The following CAST variants were observed in gnomAD, a reference collection of about 807,000 sequenced individuals.
CAST encodes calpastatin, also known as MIR583 host.
CAST carries 76 observed loss-of-function variants against 119.6 expected under a neutral mutation model. The ratio of observed to expected loss-of-function variants is 0.64; its 90% CI spans 0.53 to 0.77. The LOEUF (loss-of-function observed/expected upper bound fraction) is 0.77, where lower values mean the gene tolerates loss of function less well. Ranked by LOEUF, CAST falls within the 30% of genes least tolerant of loss-of-function variation. The pLI is 0.00. For synonymous variants in CAST, 319 were observed against 331.6 expected (o/e 0.96, Z 0.41); for missense variants, 953 against 946.5 (o/e 1.01, Z -0.09).
chr5:96,101,402 C>T, the CAST span, among the ~76,000 whole-genome samples: 1 of 152,194 alleles, frequency 6.6e-6, no homozygotes, highest in South Asian at 2.1e-4. Flanking sequence ...GTATAAGCCT[C>T]TCTCACTGTA....
chr5:96,139,724 C>T, the CAST span, among the ~76,000 whole-genome samples: 4 of 151,774 alleles, frequency 2.6e-5, no homozygotes, highest in Non-Finnish European at 5.9e-5. Flanking sequence ...CTATTTTCTT[C>T]TGTAAGTAGA....
the CAST span, among the ~76,000 whole-genome samples, chr5:96,238,295 A>G: frequency 6.8e-5 from 4 of 58,952 alleles, no homozygotes; most frequent in Non-Finnish European, 1.3e-4. Flanking sequence ...AGAAAATGCA[A>G]ATCTGTTTCT....
the CAST span, among the ~76,000 whole-genome samples, chr5:96,093,663 A>G: frequency 2.6e-5 from 4 of 152,208 alleles, no homozygotes; most frequent in African/African-American, 9.7e-5. Flanking sequence ...TGTCACTTGG[A>G]CAGTGTTTGG....
chr5:96,305,222 G>T, the CAST span, among the ~76,000 whole-genome samples: 1 of 152,088 alleles, frequency 6.6e-6, no homozygotes, highest in Non-Finnish European at 1.5e-5. Context: ...ACTGTGAATG[G>T]GAGTTCACTC....
At chr5:96,571,546 A>C (rs1484061443) in intron 1 of CAST, among the ~76,000 whole-genome samples, 9 of 152,204 alleles carry the variant, frequency 5.9e-5, no homozygotes, top group Non-Finnish European at 1.5e-5. Flanking sequence ...ATAGTTACAC[A>C]GTTAACTGAA....
chr5:96,522,518 G>GT (rs1200902191), upstream of CAST, among the ~76,000 whole-genome samples: 2 of 152,074 alleles, frequency 1.3e-5, no homozygotes, highest in Admixed American at 1.3e-4. Flanking sequence ...ATGTTGCACA[G>GT]TAAAAAAAAC....
chr5:96,317,456 AAC>A, the CAST span, among the ~76,000 whole-genome samples: 2 of 143,544 alleles, frequency 1.4e-5, no homozygotes, highest in Non-Finnish European at 3.0e-5. Flanking sequence ...AAGCCTGGGC[AAC>A]AGAGTGAGAC....
At chr5:96,000,755 C>G in the CAST span, among the ~76,000 whole-genome samples, 3 of 152,266 alleles carry the variant, frequency 2.0e-5, no homozygotes, top group Non-Finnish European at 4.4e-5. Context: ...TCTTTGGCCT[C>G]TTAACATACT....
chr5:96,238,357 T>TCTTCTTCTC, the CAST span, among the ~76,000 whole-genome samples: 47,460 of 77,604 alleles, frequency 0.61, 15,838 homozygotes, highest in Non-Finnish European at 0.78. Flanking sequence ...ATCTTCATCT[T>TCTTCTTCTC]CTTCTTCTCC....
At chr5:96,279,732 A>C in the CAST span, among the ~76,000 whole-genome samples, 2 of 152,230 alleles carry the variant, frequency 1.3e-5, no homozygotes, top group Non-Finnish European at 2.9e-5. Context: ...GTAATAATAA[A>C]ATATGCTTCT....
At chr5:96,348,571 G>T in the CAST span, among the ~76,000 whole-genome samples, 1 of 152,166 alleles carries the variant, frequency 6.6e-6, no homozygotes, top group East Asian at 1.9e-4. Flanking sequence ...GTGGGAAGTT[G>T]AGGCTATATA....
chr5:96,098,526 C>T, the CAST span, among the ~76,000 whole-genome samples: 3 of 152,184 alleles, frequency 2.0e-5, no homozygotes. Context: ...GGTCCAGTTT[C>T]AATCTTCTGC....
chr5:96,158,466 T>A, the CAST span, among the ~76,000 whole-genome samples: 201 of 152,148 alleles, frequency 1.3e-3, no homozygotes, highest in African/African-American at 4.6e-3. Context: ...AGAACCAGAG[T>A]TTTTTACTCA....
intron 1 of CAST, among the ~76,000 whole-genome samples, chr5:96,645,172 A>G (rs1292636685): frequency 6.6e-6 from 1 of 152,064 alleles, no homozygotes; most frequent in Non-Finnish European, 1.5e-5. Flanking sequence ...TGACAGTTGG[A>G]GTACATCTAG....
chr5:96,663,864 G>A (rs1280792710), intron 1 of CAST, among the ~76,000 whole-genome samples: 1 of 151,760 alleles, frequency 6.6e-6, no homozygotes, highest in African/African-American at 2.4e-5. Context: ...CTGCCAATTA[G>A]GTGTAATATC....
the CAST span, among the ~76,000 whole-genome samples, chr5:96,309,143 G>T: frequency 9.8e-5 from 15 of 152,358 alleles, no homozygotes; most frequent in African/African-American, 3.4e-4. Flanking sequence ...CTTTGTTTCA[G>T]AGATGCACTG....
At chr5:96,749,170 A>G (rs1348867215) in intron 19 of CAST, among the ~76,000 whole-genome samples, 1 of 152,248 alleles carries the variant, frequency 6.6e-6, no homozygotes, top group South Asian at 2.1e-4. Flanking sequence ...TTTCTTTCTA[A>G]TGCTAGATCA....
intron 31 of CAST, 153 bp downstream of exon 31, chr5:96,771,855 T>A (rs771856824): frequency 4.2e-6 from 2 of 473,722 alleles, no homozygotes; most frequent in Non-Finnish European, 7.6e-6. Context: ...ACAGAGTAAT[T>A]GGTCATTCTC....
At chr5:96,616,864 A>C (rs1427582144) in intron 1 of CAST, among the ~76,000 whole-genome samples, 5 of 151,754 alleles carry the variant, frequency 3.3e-5, no homozygotes, top group Non-Finnish European at 7.4e-5. Context: ...ATTATCAAAA[A>C]AATTTTTGGT....
Sources: allele counts gnomAD v4.1 joint callset (sites outside exome capture counted in the v4.1 genomes callset), GRCh38; gene constraint gnomAD v4.1.1; transcripts MANE v1.5; gene names NCBI Gene and HGNC (gene_info 2026-07-23, HGNC 2026-07-21).